Variants in TSBP1 observed in about 807,000 individuals in gnomAD.
TSBP1 encodes the protein testis expressed basic protein 1, also known as testis-expressed basic protein 1.
TSBP1 carries 56 observed loss-of-function variants against 68.8 expected under a neutral mutation model. That is an observed-to-expected ratio of 0.81 (90% confidence interval 0.66 to 1.02). The LOEUF is 1.02. Ranked by LOEUF, TSBP1 falls within the 50% of genes least tolerant of loss-of-function variation. The pLI, the probability that TSBP1 is intolerant of heterozygous loss-of-function variation, is 0.00. For synonymous variants in TSBP1, 171 were observed against 208.7 expected (o/e 0.82, Z 1.56); for missense variants, 502 against 641.2 (o/e 0.78, Z 2.34).
rs9281758 is a variant in TSBP1 at position 32,367,265 on chromosome 6, A to AGAGAGAGAGAGAGAGAGAGAGAGAG, written c.166+659_166+660insCTCTCTCTCTCTCTCTCTCTCTCTC. ...GGAAAGAGAGAGAGAGAGAGAGAGA[A>AGAGAGAGAGAGAGAGAGAGAGAGAG]AGAGAGAGAGAGACAGCCGAGGGAA... is the stretch of plus-strand genomic sequence containing the variant. On this transcript the variant is annotated intron_variant, in intron 4 of 22. Transcript: ENST00000612031. 2.7e-4 allele frequency among the ~76,000 whole-genome samples: 32 copies of AGAGAGAGAGAGAGAGAGAGAGAGAG among 117,810 alleles called. 1 individual carries two copies. The highest frequency in any genetic ancestry group is 1.8e-3 in the South Asian group (6 of 3,294). The allele number at this position is 117,810 out of a possible 152,430, so 77.3% of individuals were successfully genotyped here.
At chr6:32,349,906 T>C in intron 8 of TSBP1, 146 bp from the exon 9 acceptor site, 4 of 880,048 alleles carry the variant, frequency 4.5e-6, no homozygotes, top group Non-Finnish European at 7.8e-6. Context: ...TGCAATGCAA[T>C]GTGGTGAGCA....
rs779079852 is a variant in TSBP1 at position 32,335,963 on chromosome 6, G to T, written c.431-31C>A. ...AGAGAGAAAGAGGGAGAAAGAAAAA[G>T]ATATCAGTATGCTTCACCACTGTGA... On this transcript the variant is annotated intron_variant, in intron 12 of 22. Transcript: ENST00000612031. This position sits in a 1 kb window ranked among gnomAD's most constrained non-coding sequence, Gnocchi z 5.5. The T allele has an allele frequency of 2.1e-5, 34 of 1,592,920 alleles. No homozygotes were observed. The highest frequency in any genetic ancestry group is 3.4e-6 in the Non-Finnish European group (4 of 1,165,666).
At chr6:32,369,953 A>G in exon 2 of TSBP1, 1 of 1,612,380 alleles carries the variant, frequency 6.2e-7, no homozygotes, top group Non-Finnish European at 8.5e-7. Flanking sequence ...GGCAAGTCCC[A>G]GTAGAGTCAG....
chr6:32,347,547 CCTT>C (rs1470159002), intron 9 of TSBP1, among the ~76,000 whole-genome samples: 1 of 152,150 alleles, frequency 6.6e-6, no homozygotes, highest in African/African-American at 2.4e-5. Context: ...GTACCTCTCT[CCTT>C]CTTGCCATCA....
At chr6:32,300,724 A>G (rs537757) in intron 20 of TSBP1, 24 bp from the exon 24 acceptor site, 2 of 1,607,732 alleles carry the variant, frequency 1.2e-6, no homozygotes, top group Non-Finnish European at 1.7e-6. Context: ...AGGCAAACAC[A>G]TCAGTAGGTA....
chr6:32,293,812 T>C (rs963020609), exon 23 of TSBP1: 7 of 1,612,948 alleles, frequency 4.3e-6, no homozygotes, highest in East Asian at 2.2e-5. Flanking sequence ...CCATTCCTAT[T>C]TTGTCTTTCT....
At chr6:32,347,561 T>C (rs1264021226) in intron 9 of TSBP1, among the ~76,000 whole-genome samples, 1 of 152,206 alleles carries the variant, frequency 6.6e-6, no homozygotes, top group Non-Finnish European at 1.5e-5. Flanking sequence ...CTTGCCATCA[T>C]AAATAAATAT....
chr6:32,325,973 A>T lies in TSBP1; in HGVS notation c.515-2359T>A. The T allele has an allele frequency of 6.4e-7, 1 of 1,553,384 alleles. No homozygotes were observed. The highest frequency in any genetic ancestry group is 8.8e-7 in the Non-Finnish European group (1 of 1,139,710). On this transcript the variant is annotated intron_variant, in intron 16 of 22. Transcript: ENST00000612031. This position sits in a 1 kb window ranked among gnomAD's most constrained non-coding sequence, Gnocchi z 4.4. ...AATGGATTTGGTAATGATGGGAGCA[A>T]TTTTGGAGGTGGTGGAAGCTACAAT...
chr6:32,343,167 A>G lies in TSBP1; in HGVS notation c.350-3529T>C. 1 of 866,726 alleles carries G rather than the reference A, an allele frequency of 1.2e-6. No homozygotes were observed. Among genetic ancestry groups the G allele is most frequent in the Non-Finnish European group, 1.6e-6 (1 of 622,266 alleles). 53.7% of individuals were successfully genotyped at this position (866,726 alleles called of 1,614,324 possible). A position where few individuals can be genotyped will look rare whatever the true frequency, so the allele number is the denominator to read the frequency against. Reference sequence around the variant, plus strand: ...TAGCAGGAAACAGGAAATAGTTAAGACAGGGAGAAGTCCTCTGCCTAGCAT... The same window carrying G: ...TAGCAGGAAACAGGAAATAGTTAAGGCAGGGAGAAGTCCTCTGCCTAGCAT... On this transcript the variant is annotated intron_variant, in intron 9 of 22. Coordinates refer to ENST00000612031, the Ensembl canonical transcript of TSBP1. The surrounding 1 kb of genome is among the most constrained non-coding windows in gnomAD (Gnocchi z 4.3).
At chr6:32,355,091 A>G in intron 8 of TSBP1, 33 bp downstream of exon 8, 1 of 1,599,510 alleles carries the variant, frequency 6.3e-7, no homozygotes. Context: ...ACCAGATGAC[A>G]GTAGAATTGA....
At chr6:32,342,481 T>G (rs940500215) in intron 9 of TSBP1, among the ~76,000 whole-genome samples, 2 of 152,156 alleles carry the variant, frequency 1.3e-5, no homozygotes, top group African/African-American at 4.8e-5. Context: ...TTTGATTAAT[T>G]TTCAACTGGT....
At chr6:32,293,464 T>G (rs879043947) in exon 23 of TSBP1, 1 of 1,611,562 alleles carries the variant, frequency 6.2e-7, no homozygotes, top group Non-Finnish European at 8.5e-7. Flanking sequence ...TCAGTACAAC[T>G]GACTCCCTCT....
rs746597191 is a variant in TSBP1, at chr6:32,357,550, G to A, written c.218-1881C>T. ...GAGGTACTTATTAAGGATCTCCCTC[G>A]CTGTGGTGAGGTGAATAGACTATAA... On this transcript the variant is annotated intron_variant, in intron 6 of 22. Coordinates refer to ENST00000612031, the Ensembl canonical transcript of TSBP1. This position sits in a 1 kb window ranked among gnomAD's most constrained non-coding sequence, Gnocchi z 4.7. Among the ~76,000 whole-genome samples the A allele has an allele frequency of 3.9e-5, 6 of 152,030 alleles. No homozygotes were observed. The highest frequency in any genetic ancestry group is 3.9e-4 in the East Asian group (2 of 5,178).
At chr6:32,301,133 A>G (rs1765245410) in intron 20 of TSBP1, among the ~76,000 whole-genome samples, 1 of 151,896 alleles carries the variant, frequency 6.6e-6, no homozygotes, top group Non-Finnish European at 1.5e-5. Flanking sequence ...GGTTCAAGCG[A>G]TCCTCCAGTT....
chr6:32,324,152 C>T (rs989545022), intron 16 of TSBP1, among the ~76,000 whole-genome samples: 2 of 151,938 alleles, frequency 1.3e-5, no homozygotes, highest in African/African-American at 2.4e-5. Context: ...AAGCAAAACA[C>T]GGAGGAAATA....
intron 22 of TSBP1, among the ~76,000 whole-genome samples, chr6:32,295,507 A>G (rs1442695932): frequency 6.6e-6 from 1 of 152,178 alleles, no homozygotes; most frequent in African/African-American, 2.4e-5. Context: ...ATTGTAGACA[A>G]ATGTTAAAGT....
chr6:32,322,972 C>T, intron 18 of TSBP1, 145 bp downstream of exon 19: 2 of 591,860 alleles, frequency 3.4e-6, no homozygotes, highest in South Asian at 5.3e-5. Context: ...CTTAGTCCCA[C>T]TTTTAATTAG....
chr6:32,337,557 T>A lies in TSBP1; in HGVS notation c.410-922A>T, dbSNP rs1769818505. Among the ~76,000 whole-genome samples the A allele has an allele frequency of 6.6e-6, 1 of 152,224 alleles. No individual in the cohort carries two copies. Among genetic ancestry groups the A allele is most frequent in the African/African-American group, 2.4e-5 (1 of 41,464 alleles). ...CTGCCATGTAAAAGGGAATAGAAAC[T>A]GCTAGGTTGACTTAAGACATTTATA... On this transcript the variant is annotated intron_variant, in intron 11 of 22. Transcript: ENST00000612031. This position sits in a 1 kb window ranked among gnomAD's most constrained non-coding sequence, Gnocchi z 5.5.
At position 32,366,272 on chromosome 6, in the gene TSBP1, C is replaced by G; in HGVS notation, c.196+1G>C. On this transcript the variant is annotated splice_donor_variant, in intron 5 of 22. Coordinates refer to ENST00000612031, the Ensembl canonical transcript of TSBP1. LOFTEE classifies it high-confidence loss of function. ...AATTTCTTAGCAATACAATAATTTA[C>G]CACTTTGTGTTGAATATGCATGTCG... 6.3e-7 allele frequency: 1 copy of G among 1,596,944 alleles called. No homozygotes were observed. Among genetic ancestry groups the G allele is most frequent in the Non-Finnish European group, 8.5e-7 (1 of 1,173,628 alleles).
Sources: allele counts gnomAD v4.1 joint callset (sites outside exome capture counted in the v4.1 genomes callset), GRCh38; gene constraint gnomAD v4.1.1; non-coding constraint Gnocchi (gnomAD v3.1); transcripts MANE v1.5; gene names NCBI Gene and HGNC (gene_info 2026-07-23, HGNC 2026-07-21).